The following TRIM2 variants were observed in gnomAD, a reference collection of about 807,000 sequenced individuals.
TRIM2 encodes the protein tripartite motif containing 2, also known as tripartite motif-containing protein 2.
Under a neutral mutation model 75.2 loss-of-function variants are expected in TRIM2, and 20 were observed. The observed-to-expected ratio is 0.27, with a 90% CI of 0.19 to 0.39. The LOEUF is 0.39. TRIM2 is among the 10% of genes least tolerant of loss of function. The pLI, the probability that TRIM2 is intolerant of heterozygous loss-of-function variation, is 1.00. For missense variants in TRIM2, 660 were observed against 990.8 expected, an observed-to-expected ratio of 0.67 and a Z score of 4.48; for synonymous variants, 373 against 388.3, an observed-to-expected ratio of 0.96 and a Z score of 0.46.
intron 11 of TRIM2, among the ~76,000 whole-genome samples, chr4:153,333,886 T>C (rs946029769): frequency 6.6e-6 from 1 of 152,162 alleles, no homozygotes; most frequent in Non-Finnish European, 1.5e-5. Context: ...CTATTTTATA[T>C]AAAGGACTTG....
chr4:153,244,402 C>G (rs1472579196), intron 1 of TRIM2, among the ~76,000 whole-genome samples: 1 of 84,594 alleles, frequency 1.2e-5, no homozygotes, highest in Non-Finnish European at 2.1e-5. Flanking sequence ...TCTTCTTCTT[C>G]TTCTTCTTCT....
chr4:153,243,214 A>G (rs1294767682), intron 1 of TRIM2, among the ~76,000 whole-genome samples: 1 of 152,218 alleles, frequency 6.6e-6, no homozygotes, highest in Non-Finnish European at 1.5e-5. Context: ...CAAGCTTCCT[A>G]TCAGTACCGC....
At position 153,295,610 on chromosome 4, in the gene TRIM2, CT is replaced by C; in HGVS notation, c.1085del (p.Leu362ArgfsTer35). ...AGAGACAGTGGCCACGGGCGAGGGG[CT>C]GCGGCAGACCATCATCGGGCAGCCC... ...ASETVATGEGLRQTIIGQPMS... is the reference protein window; with the variant it reads ...ASETVATGEGXRQTIIGQPMS... On this transcript the variant is annotated frameshift_variant, in exon 6 of 12. Coordinates refer to ENST00000338700, the MANE Select transcript of TRIM2 (RefSeq NM_015271.5). LOFTEE classifies it high-confidence loss of function. This position sits in a 1 kb window ranked among gnomAD's most constrained non-coding sequence, Gnocchi z 7.2. 6.2e-7 allele frequency: 1 copy of C among 1,613,962 alleles called. No individual in the cohort carries two copies. Among genetic ancestry groups the C allele is most frequent in the East Asian group, 2.2e-5 (1 of 44,848 alleles).
At chr4:153,254,276 T>C (rs531110289) in intron 1 of TRIM2, among the ~76,000 whole-genome samples, 1 of 152,368 alleles carries the variant, frequency 6.6e-6, no homozygotes, top group Non-Finnish European at 1.5e-5. Context: ...CTATCTCTCA[T>C]GCTCCTGCCA....
chr4:153,270,641 GC>G, intron 2 of TRIM2, 122 bp downstream of exon 2: 1 of 837,842 alleles, frequency 1.2e-6, no homozygotes, highest in Non-Finnish European at 1.8e-6. Context: ...TTGTGCTTCT[GC>G]CAGACATTGA....
intron 1 of TRIM2, among the ~76,000 whole-genome samples, chr4:153,158,661 C>T (rs1729459134): frequency 6.6e-6 from 1 of 152,092 alleles, no homozygotes; most frequent in African/African-American, 2.4e-5. Context: ...AGGTGGAGTG[C>T]TAGACTGGCT....
chr4:153,299,432 A>G (rs1763412667), intron 6 of TRIM2, among the ~76,000 whole-genome samples: 1 of 152,114 alleles, frequency 6.6e-6, no homozygotes, highest in African/African-American at 2.4e-5. Flanking sequence ...TTGTTGATGG[A>G]CACTTAGGTT....
chr4:153,263,243 C>T (rs1421302995), intron 1 of TRIM2, among the ~76,000 whole-genome samples: 1 of 151,988 alleles, frequency 6.6e-6, no homozygotes, highest in African/African-American at 2.4e-5. Context: ...GTGGGACTCT[C>T]ACTTAAGCCT....
chr4:153,223,365 A>T (rs758050404), intron 1 of TRIM2, among the ~76,000 whole-genome samples: 2 of 152,218 alleles, frequency 1.3e-5, no homozygotes, highest in East Asian at 1.9e-4. Context: ...ATACTGAGCA[A>T]TCTGAAAGCA....
rs201166147 is a variant in TRIM2, at chr4:153,204,576, A to G, written c.30+16A>G. The stretch of plus-strand genomic sequence containing the variant: ...TGGAACGCAGGTAAGGACGCTTCTC[A>G]ATGTGGGATAATTCTTTTTCTGGGC... On this transcript the variant is annotated intron_variant, in intron 1 of 11. Coordinates refer to ENST00000338700, the MANE Select transcript of TRIM2 (RefSeq NM_015271.5). 6 of 1,551,546 alleles carry G rather than the reference A, an allele frequency of 3.9e-6. No individual in the cohort carries two copies. In the East Asian group the frequency reaches 1.2e-4, roughly 32 times the overall value.
intron 1 of TRIM2, among the ~76,000 whole-genome samples, chr4:153,217,265 T>G (rs571083443): frequency 3.3e-5 from 5 of 152,324 alleles, no homozygotes; most frequent in Admixed American, 1.3e-4. Flanking sequence ...CATGTACAGA[T>G]AACCCAAGTA....
chr4:153,217,432 A>G (rs1201817249), intron 1 of TRIM2, among the ~76,000 whole-genome samples: 2 of 152,244 alleles, frequency 1.3e-5, no homozygotes, highest in East Asian at 3.8e-4. Context: ...CTCAGCAGGA[A>G]CAGACACTTC....
At chr4:153,257,298 G>T in intron 1 of TRIM2, 1 of 567,708 alleles carries the variant, frequency 1.8e-6, no homozygotes, top group Non-Finnish European at 2.4e-6. Context: ...TGACTCAGAG[G>T]GAAAGCAAGC....
intron 1 of TRIM2, among the ~76,000 whole-genome samples, chr4:153,169,617 G>A (rs902175017): frequency 2.6e-5 from 4 of 152,068 alleles, no homozygotes; most frequent in African/African-American, 7.2e-5. Context: ...ATATATGAAT[G>A]TATATGTATT....
chr4:153,327,189 C>T (rs1013034149), intron 10 of TRIM2, among the ~76,000 whole-genome samples: 3 of 152,148 alleles, frequency 2.0e-5, no homozygotes, highest in Middle Eastern at 3.4e-3. Context: ...TTGTTCTTGC[C>T]CTGGTCCTTT....
chr4:153,182,681 G>A (rs1732192719), intron 1 of TRIM2, among the ~76,000 whole-genome samples: 1 of 152,122 alleles, frequency 6.6e-6, no homozygotes, highest in African/African-American at 2.4e-5. Context: ...ATGATCTTAT[G>A]GATTTCTCCT....
chr4:153,243,818 T>C (rs202012766), intron 1 of TRIM2, among the ~76,000 whole-genome samples: 3,722 of 98,514 alleles, frequency 0.038, 65 homozygotes, highest in East Asian at 0.068. Flanking sequence ...TTTTTTTTTT[T>C]CCCCCCCCCC....
In TRIM2 at chr4:153,338,841, T is replaced by G. The variant is rs879938748; in HGVS notation, c.*3875T>G. The G allele has an allele frequency of 1.0e-6, 1 of 985,854 alleles. No individual in the cohort carries two copies. Among genetic ancestry groups the G allele is most frequent in the African/African-American group, 1.7e-5 (1 of 57,362 alleles). The allele number at this position is 985,854 out of a possible 1,614,324, so 61.1% of individuals were successfully genotyped here. A position where few individuals can be genotyped will look rare whatever the true frequency, so the allele number is the denominator to read the frequency against. On this transcript the variant is annotated 3_prime_UTR_variant, in exon 12 of 12. Transcript: ENST00000338700. ...AACACAGCCTTAAACTCAATGCTTT[T>G]GCTTTATGACATGGGAATGTTCTGT...
At position 153,338,953 on chromosome 4, in the gene TRIM2, G is replaced by T. The variant is rs200275673; in HGVS notation, c.*3987G>T. 5,230 of 839,582 alleles carry T rather than the reference G, an allele frequency of 6.2e-3. 188 individuals carry two copies. The African/African-American group carries it at 0.084, about 13-fold the overall frequency. 52.0% of individuals were successfully genotyped at this position (839,582 alleles called of 1,614,324 possible). ...CAAGCCTATGTATGAATATGAAGGG[G>T]TTTTTTTTTTTTGCTTTGTTTTCTT... On this transcript the variant is annotated 3_prime_UTR_variant, in exon 12 of 12. Transcript: ENST00000338700.
Sources: allele counts gnomAD v4.1 joint callset (sites outside exome capture counted in the v4.1 genomes callset), GRCh38; gene constraint gnomAD v4.1.1; non-coding constraint Gnocchi (gnomAD v3.1); transcripts MANE v1.5; gene names NCBI Gene and HGNC (gene_info 2026-07-23, HGNC 2026-07-21).